RYR3: variants seen among roughly 807,000 people sequenced by gnomAD.
The protein encoded by RYR3 is ryanodine receptor 3, also known as brain ryanodine receptor-calcium release channel.
Under a neutral mutation model 584.3 loss-of-function variants are expected in RYR3, and 207 were observed. The observed-to-expected ratio is 0.35, with a 90% CI of 0.32 to 0.40. The LOEUF (loss-of-function observed/expected upper bound fraction) is 0.40, where lower values mean the gene tolerates loss of function less well. Ranked by LOEUF, RYR3 falls within the 10% of genes least tolerant of loss-of-function variation. RYR3 has a pLI of 1.00. For missense variants in RYR3, 5,616 were observed against 6,089.2 expected (o/e 0.92, Z 2.59); for synonymous variants, 2,416 against 2,248.5 (o/e 1.07, Z -2.11).
Position 33,649,011 on chromosome 15 carries a change from C to A in RYR3, c.3979-61C>A, listed in dbSNP as rs1339920880. 4.6e-6 allele frequency: 7 copies of A among 1,521,376 alleles called. No homozygotes were observed. The African/African-American group carries it at 9.6e-5, about 21-fold the overall frequency. 94.2% of individuals were successfully genotyped at this position (1,521,376 alleles called of 1,614,324 possible). On this transcript the variant is annotated intron_variant, in intron 30 of 103. Transcript: ENST00000634891. ...CTGTGTTATTTCTGCCTCTTGGGCCCCCTATCTTCAACTGGATGGGGGCTG... is the reference window on the plus strand; with the variant it reads ...CTGTGTTATTTCTGCCTCTTGGGCCACCTATCTTCAACTGGATGGGGGCTG...
At chr15:33,552,582 C>G in intron 10 of RYR3, among the ~76,000 whole-genome samples, 1 of 152,308 alleles carries the variant, frequency 6.6e-6, no homozygotes, top group South Asian at 2.1e-4. Flanking sequence ...AGTATTCAAC[C>G]TAGCTACCTT....
At chr15:33,806,490 A>AG (rs2076217041) in intron 69 of RYR3, among the ~76,000 whole-genome samples, 2 of 151,914 alleles carry the variant, frequency 1.3e-5, no homozygotes, top group African/African-American at 2.4e-5. Context: ...CTGTCTCTTA[A>AG]GAAAAAAAAA....
intron 1 of RYR3, among the ~76,000 whole-genome samples, chr15:33,360,252 C>T (rs1022287632): frequency 6.6e-6 from 1 of 151,774 alleles, no homozygotes; most frequent in Non-Finnish European, 1.5e-5. Context: ...GTTTCCCCCA[C>T]CCCTCCACAG....
At chr15:33,365,194 C>T (rs565766835) in intron 1 of RYR3, among the ~76,000 whole-genome samples, 4 of 152,290 alleles carry the variant, frequency 2.6e-5, no homozygotes, top group South Asian at 2.1e-4. Context: ...ACTGGATAAC[C>T]CTCCTCCTTG....
At chr15:33,726,642 TTTC>T (rs2068484582) in intron 46 of RYR3, 136 bp downstream of exon 46, 1 of 892,260 alleles carries the variant, frequency 1.1e-6, no homozygotes, top group Non-Finnish European at 1.6e-6. Context: ...TCTCACTCTT[TTTC>T]CTGTGATGAG....
chr15:33,773,387 TG>T, intron 63 of RYR3, 146 bp from the exon 64 acceptor site: 1 of 636,914 alleles, frequency 1.6e-6, no homozygotes, highest in Non-Finnish European at 2.8e-6. Context: ...AACTGGCATC[TG>T]GGTAGAAAAG....
chr15:33,410,119 A>G (rs2043301406), intron 1 of RYR3, among the ~76,000 whole-genome samples: 1 of 152,212 alleles, frequency 6.6e-6, no homozygotes, highest in Non-Finnish European at 1.5e-5. Context: ...GGCTGTGTGC[A>G]CAGTGATAAA....
chr15:33,848,194 G>A (rs2078846366), intron 93 of RYR3, 97 bp from the exon 94 acceptor site: 1 of 1,466,244 alleles, frequency 6.8e-7, no homozygotes, highest in Non-Finnish European at 9.4e-7. Context: ...GGAGATTGCT[G>A]CTCTGAAGTT....
At chr15:33,511,329 T>TAAAAAA (rs34328973) in intron 3 of RYR3, among the ~76,000 whole-genome samples, 1 of 119,374 alleles carries the variant, frequency 8.4e-6, no homozygotes, top group Non-Finnish European at 1.7e-5. Flanking sequence ...TTTCTCTCTT[T>TAAAAAA]AAAAAAAAAA....
intron 16 of RYR3, among the ~76,000 whole-genome samples, chr15:33,598,169 ATAAC>A (rs2059468200): frequency 7.2e-6 from 1 of 138,400 alleles, no homozygotes; most frequent in African/African-American, 2.8e-5. Context: ...CTCTGCTGCA[ATAAC>A]TATTTTAATT....
In RYR3 at chr15:33,826,652, C is replaced by G. The variant is rs563404091; in HGVS notation, c.11165-20C>G. The G allele has an allele frequency of 2.9e-5, 46 of 1,601,584 alleles. No individual in the cohort carries two copies. Among genetic ancestry groups the G allele is most frequent in the South Asian group, 8.8e-5 (8 of 90,862 alleles). ...GGTGAGAAGCCAAACCAATGCTCAT[C>G]AACGTTCTGTGTTTTCAAGGTGAAA... On this transcript the variant is annotated intron_variant, in intron 83 of 103. Coordinates refer to ENST00000634891, the MANE Select transcript of RYR3 (RefSeq NM_001036.6).
chr15:33,848,264 G>A, intron 93 of RYR3, 27 bp from the exon 94 acceptor site: 1 of 1,612,656 alleles, frequency 6.2e-7, no homozygotes, highest in Non-Finnish European at 8.5e-7. Flanking sequence ...AGCCTGCTCT[G>A]AGTAACCATC....
At chr15:33,450,657 T>G (rs1433146944) in intron 1 of RYR3, among the ~76,000 whole-genome samples, 1 of 152,062 alleles carries the variant, frequency 6.6e-6, no homozygotes, top group Admixed American at 6.5e-5. Flanking sequence ...TATCTTTTAT[T>G]TACACTGCAC....
At chr15:33,357,692 T>G (rs983465998) in intron 1 of RYR3, among the ~76,000 whole-genome samples, 2 of 152,198 alleles carry the variant, frequency 1.3e-5, no homozygotes, top group African/African-American at 4.8e-5. Context: ...AAACTTGCTT[T>G]CACTTAAAAA....
At chr15:33,852,881 G>A (rs1039134368) in intron 94 of RYR3, 164 bp from the exon 95 acceptor site, 1 of 631,720 alleles carries the variant, frequency 1.6e-6, no homozygotes, top group Non-Finnish European at 2.8e-6. Flanking sequence ...TGACTCAGTA[G>A]AGCCTGTGAT....
intron 10 of RYR3, among the ~76,000 whole-genome samples, chr15:33,557,431 C>T (rs546079858): frequency 6.6e-6 from 1 of 152,318 alleles, no homozygotes; most frequent in South Asian, 2.1e-4. Flanking sequence ...AATTGCCAGG[C>T]TGGAGTGCAG....
At chr15:33,809,484 C>T (rs1280848714) in intron 70 of RYR3, among the ~76,000 whole-genome samples, 3 of 152,110 alleles carry the variant, frequency 2.0e-5, no homozygotes, top group South Asian at 2.1e-4. Flanking sequence ...TCTGAGTCAC[C>T]GCCTTGTTTC....
intron 16 of RYR3, among the ~76,000 whole-genome samples, chr15:33,590,463 T>G (rs13329083): frequency 6.6e-6 from 1 of 152,004 alleles, no homozygotes; most frequent in Non-Finnish European, 1.5e-5. Context: ...TTGATAGGGA[T>G]TGTATTGAAT....
At position 33,503,616 on chromosome 15, in the gene RYR3, A is replaced by AGG; in HGVS notation, c.172-15_172-14insGG. On this transcript the variant is annotated splice_polypyrimidine_tract_variant and intron_variant, in intron 2 of 103. Coordinates refer to ENST00000634891, the MANE Select transcript of RYR3 (RefSeq NM_001036.6). ...GATATGAGTAGGTATCCTCATTCTG[A>AGG]TTTTATTTCCACAGTACATTCCTCC... 2.0e-6 allele frequency: 3 copies of AGG among 1,527,056 alleles called. No individual in the cohort carries two copies. Among genetic ancestry groups the AGG allele is most frequent in the Non-Finnish European group, 2.7e-6 (3 of 1,105,636 alleles). The allele number at this position is 1,527,056 out of a possible 1,614,324, so 94.6% of individuals were successfully genotyped here.
Sources: gnomAD v4.1 joint callset for allele counts (sites outside exome capture counted in the v4.1 genomes callset) on GRCh38, gnomAD v4.1.1 for gene constraint, MANE v1.5 for transcripts, NCBI Gene and HGNC (gene_info 2026-07-23, HGNC 2026-07-21) for gene names.